Variants in ARHGAP39 observed in about 807,000 individuals in gnomAD.
ARHGAP39 encodes rho GTPase-activating protein 39.
ARHGAP39 carries 44 observed loss-of-function variants against 106.9 expected under a neutral mutation model. The observed-to-expected ratio is 0.41, with a 90% confidence interval of 0.32 to 0.53. The LOEUF (loss-of-function observed/expected upper bound fraction) is 0.53, where lower values mean the gene tolerates loss of function less well. Ranked by LOEUF, ARHGAP39 falls within the 20% of genes least tolerant of loss-of-function variation. The pLI is 0.21. For synonymous variants in ARHGAP39, 768 were observed against 693.2 expected (o/e 1.11, Z -1.69); for missense variants, 1,496 against 1,577.3 (o/e 0.95, Z 0.87).
chr8:144,547,808 C>T lies in ARHGAP39; in HGVS notation c.1278G>A (p.Ser426=), dbSNP rs750393142. 42 of 1,591,668 alleles carry T rather than the reference C, an allele frequency of 2.6e-5. No individual in the cohort carries two copies. Among genetic ancestry groups the T allele is most frequent in the East Asian group, 2.3e-5 (1 of 44,136 alleles). Residue 426 remains serine, a synonymous_variant, in exon 5 of 12, where the codon TCG becomes TCA. Transcript: ENST00000377307. This position sits in a 1 kb window ranked among gnomAD's most constrained non-coding sequence, Gnocchi z 5.2. The stretch of plus-strand genomic sequence containing the variant: ...GGCAGGGGCTGGGCTGCAAGGAGTA[C>T]GAACCACCGCCGGGGTTGGGCGCGT... ...HKYAPNPGGG[S]YSLQPSPCLL...
intron 1 of ARHGAP39, among the ~76,000 whole-genome samples, chr8:144,682,442 G>A (rs544319309): frequency 6.7e-5 from 10 of 150,348 alleles, no homozygotes; most frequent in South Asian, 2.1e-4. Context: ...CCAGCTACTC[G>A]GGAGGCTGAG....
intron 3 of ARHGAP39, among the ~76,000 whole-genome samples, chr8:144,559,637 T>A (rs941884143): frequency 8.5e-5 from 13 of 152,200 alleles, no homozygotes; most frequent in African/African-American, 3.1e-4. Context: ...CAAGGATATA[T>A]GCCAGAAAAT....
upstream of ARHGAP39, among the ~76,000 whole-genome samples, chr8:144,686,065 C>A (rs1458840257): frequency 1.2e-4 from 18 of 151,986 alleles, no homozygotes; most frequent in Non-Finnish European, 1.6e-4. Context: ...GCCTCCCGCG[C>A]GGACCTACCC....
At chr8:144,626,799 C>T (rs987588784) in intron 1 of ARHGAP39, among the ~76,000 whole-genome samples, 2 of 152,216 alleles carry the variant, frequency 1.3e-5, no homozygotes, top group Non-Finnish European at 2.9e-5. Context: ...CTCCCCTCCT[C>T]GGCTAGAGAC....
chr8:144,613,139 C>T (rs1420461963), intron 1 of ARHGAP39, among the ~76,000 whole-genome samples: 1 of 152,204 alleles, frequency 6.6e-6, no homozygotes, highest in East Asian at 1.9e-4. Context: ...ATGCATTTAC[C>T]ATTTTCTTCT....
rs111791491 is a variant in ARHGAP39 at position 144,568,962 on chromosome 8, G to A, written c.512+11884C>T. Among the ~76,000 whole-genome samples the A allele has an allele frequency of 5.7e-3, 871 of 152,284 alleles. 9 individuals are homozygous for A. Among genetic ancestry groups the A allele is most frequent in the African/African-American group, 0.016 (671 of 41,566 alleles). On this transcript the variant is annotated intron_variant, in intron 3 of 11. Transcript: ENST00000377307. ...AGATTTACGCCTAAGCCTGACCCTA[G>A]CCATGCAAATCATCACACTGTGTTA...
In ARHGAP39 at chr8:144,645,489, G is replaced by T. The variant is rs1821418927; in HGVS notation, c.-81-39794C>A. 6.6e-6 allele frequency among the ~76,000 whole-genome samples: 1 copy of T among 151,696 alleles called. No homozygotes were observed. On this transcript the variant is annotated intron_variant, in intron 1 of 11. Transcript: ENST00000377307. The surrounding 1 kb of genome is among the most constrained non-coding windows in gnomAD (Gnocchi z 4.4). Reference sequence around the variant, plus strand: ...GGTCTCTCCCGGCAGAGTCACTGATGGTCTCCGTCAGGGCAGAGCCTCCCC... The same window carrying T: ...GGTCTCTCCCGGCAGAGTCACTGATTGTCTCCGTCAGGGCAGAGCCTCCCC...
At chr8:144,602,192 T>C (rs369372480) in intron 2 of ARHGAP39, among the ~76,000 whole-genome samples, 1,894 of 140,720 alleles carry the variant, frequency 0.013, 26 homozygotes, top group Admixed American at 0.03. Context: ...TGTACCTGTG[T>C]GTGCATGGAG....
intron 1 of ARHGAP39, among the ~76,000 whole-genome samples, chr8:144,619,249 C>G (rs926945879): frequency 3.3e-5 from 5 of 152,246 alleles, no homozygotes; most frequent in Non-Finnish European, 7.3e-5. Flanking sequence ...AGCGCGGAAA[C>G]AGCATCTGCC....
In ARHGAP39 at chr8:144,547,817, G is replaced by C. The variant is rs748313061; in HGVS notation, c.1269C>G (p.Gly423=). The change falls in exon 5 of 12, where the codon GGC becomes GGG. Residue 423 remains glycine, a synonymous_variant. Transcript: ENST00000377307. This position sits in a 1 kb window ranked among gnomAD's most constrained non-coding sequence, Gnocchi z 5.2. ...TGGGCTGCAAGGAGTACGAACCACC[G>C]CCGGGGTTGGGCGCGTACTTGTGCC... ...GPRHKYAPNP[G]GGSYSLQPSP... 6.3e-6 allele frequency: 10 copies of C among 1,591,162 alleles called. No individual in the cohort carries two copies. In the African/African-American group the frequency reaches 1.2e-4, roughly 19 times the overall value.
At chr8:144,581,334 C>T (rs1427018792) in intron 2 of ARHGAP39, 57 bp from the exon 3 acceptor site, 1 of 1,482,106 alleles carries the variant, frequency 6.7e-7, no homozygotes, top group Non-Finnish European at 9.1e-7. Flanking sequence ...CCCGCGCCTC[C>T]CACCCCTGCA....
At chr8:144,672,292 G>A (rs1822120404) in intron 1 of ARHGAP39, among the ~76,000 whole-genome samples, 1 of 152,148 alleles carries the variant, frequency 6.6e-6, no homozygotes, top group Admixed American at 6.5e-5. Flanking sequence ...GGAACATGCT[G>A]GCCACCTCTG....
At chr8:144,602,754 G>A (rs1265338118) in intron 2 of ARHGAP39, among the ~76,000 whole-genome samples, 2 of 143,134 alleles carry the variant, frequency 1.4e-5, no homozygotes, top group East Asian at 2.1e-4. Context: ...GCGTGTGTGT[G>A]AGCTCGTGTA....
intron 1 of ARHGAP39, among the ~76,000 whole-genome samples, chr8:144,609,076 GTAT>G (rs1820393916): frequency 2.0e-5 from 3 of 152,200 alleles, no homozygotes; most frequent in Admixed American, 2.0e-4. Context: ...AGAACCTGCA[GTAT>G]TATTACTGAA....
chr8:144,567,475 G>A (rs1050291232), intron 3 of ARHGAP39, among the ~76,000 whole-genome samples: 2 of 152,156 alleles, frequency 1.3e-5, no homozygotes, highest in East Asian at 1.9e-4. Context: ...GCTACTTAGC[G>A]GACCAGGAAA....
chr8:144,690,645 C>CTT (rs869059788), upstream of ARHGAP39, among the ~76,000 whole-genome samples: 3 of 142,904 alleles, frequency 2.1e-5, no homozygotes, highest in African/African-American at 5.1e-5. Context: ...TTTTGCCTGC[C>CTT]TTTTTTTTTT....
At chr8:144,688,665 G>A (rs1822684167), upstream of ARHGAP39, among the ~76,000 whole-genome samples, 1 of 152,150 alleles carries the variant, frequency 6.6e-6, no homozygotes, top group African/African-American at 2.4e-5. Context: ...CGAGGCTGTG[G>A]TGAGCTGTGA....
intron 1 of ARHGAP39, among the ~76,000 whole-genome samples, chr8:144,633,421 T>C (rs1293592217): frequency 5.3e-5 from 8 of 152,044 alleles, no homozygotes; most frequent in African/African-American, 1.9e-4. Context: ...ATCATGCCAC[T>C]GCACTCCAGC....
At chr8:144,543,261 C>T (rs1817271788) in intron 6 of ARHGAP39, among the ~76,000 whole-genome samples, 1 of 152,172 alleles carries the variant, frequency 6.6e-6, no homozygotes, top group Non-Finnish European at 1.5e-5. Flanking sequence ...GTGTGAGCCA[C>T]TGTGCCTGGC....
Sources: gnomAD v4.1 joint callset for allele counts (sites outside exome capture counted in the v4.1 genomes callset) on GRCh38, gnomAD v4.1.1 for gene constraint, Gnocchi (gnomAD v3.1) non-coding constraint, MANE v1.5 for transcripts, NCBI Gene and HGNC (gene_info 2026-07-23, HGNC 2026-07-21) for gene names.